The following MBD5 variants were observed in gnomAD, a reference collection of about 807,000 sequenced individuals.
MBD5 encodes methyl-CpG binding domain protein 5, also known as methyl-CpG-binding domain protein 5.
In MBD5, 13 loss-of-function variants were observed where a neutral mutation model predicts 117.3. That is an observed-to-expected ratio of 0.11 (90% CI 0.07 to 0.18). The LOEUF (loss-of-function observed/expected upper bound fraction) is 0.18. Among genes scored for constraint, MBD5 ranks in the 10% least tolerant of loss-of-function variants. The pLI is 1.00. For synonymous variants in MBD5, 727 were observed against 766.4 expected (o/e 0.95, Z 0.85); for missense variants, 1,879 against 2,093.8 (o/e 0.90, Z 2.00).
intron 3 of MBD5, among the ~76,000 whole-genome samples, chr2:148,303,557 AC>A (rs1701822040): frequency 6.6e-6 from 1 of 152,238 alleles, no homozygotes; most frequent in South Asian, 2.1e-4. Flanking sequence ...ATTTTAACTG[AC>A]AAAAAAAGAA....
intron 1 of MBD5, among the ~76,000 whole-genome samples, chr2:148,056,978 A>C (rs1358877276): frequency 6.6e-6 from 1 of 151,846 alleles, no homozygotes; most frequent in Non-Finnish European, 1.5e-5. Flanking sequence ...GAATTCATCT[A>C]AGTCATCTGT....
At chr2:148,397,944 GT>G (rs1704784950) in intron 4 of MBD5, among the ~76,000 whole-genome samples, 1 of 152,008 alleles carries the variant, frequency 6.6e-6, no homozygotes, top group South Asian at 2.1e-4. Context: ...GAGAATGATG[GT>G]TTCCAGCTTC....
chr2:148,224,836 A>G (rs1421969018), intron 2 of MBD5, among the ~76,000 whole-genome samples: 7 of 151,792 alleles, frequency 4.6e-5, no homozygotes, highest in Non-Finnish European at 1.0e-4. Flanking sequence ...TCTCTCTTAT[A>G]GTTTTTGACT....
At chr2:148,343,909 C>G (rs960329136) in intron 4 of MBD5, among the ~76,000 whole-genome samples, 1 of 152,068 alleles carries the variant, frequency 6.6e-6, no homozygotes, top group Non-Finnish European at 1.5e-5. Flanking sequence ...ACGGTGTTTA[C>G]TGGGTTTTCT....
Position 148,469,443 on chromosome 2 carries a change from A to G in MBD5, c.1500A>G (p.Pro500=). 1 of 1,613,918 alleles carries G rather than the reference A, an allele frequency of 6.2e-7. No individual in the cohort carries two copies. The highest frequency in any genetic ancestry group is 1.1e-5 in the South Asian group (1 of 91,080). The change falls in exon 8 of 14, where the codon CCA becomes CCG. Residue 500 remains proline, a synonymous_variant. Coordinates refer to ENST00000642680, the MANE Select transcript of MBD5 (RefSeq NM_001378120.1). ...PRSPRSTIGS[P]RPSMPSSPST... Reference sequence around the variant, plus strand: ...CACCAAGGTCAACAATAGGGTCCCCAAGGCCATCAATGCCATCAAGCCCTT... The same window carrying G: ...CACCAAGGTCAACAATAGGGTCCCCGAGGCCATCAATGCCATCAAGCCCTT...
intron 4 of MBD5, among the ~76,000 whole-genome samples, chr2:148,442,985 A>G (rs1047551412): frequency 1.3e-5 from 2 of 151,516 alleles, no homozygotes; most frequent in African/African-American, 4.9e-5. Flanking sequence ...AAATATTTAC[A>G]AACTACCTAT....
At chr2:148,060,517 GACTTA>G (rs2105821836) in intron 1 of MBD5, among the ~76,000 whole-genome samples, 1 of 152,152 alleles carries the variant, frequency 6.6e-6, no homozygotes, top group Non-Finnish European at 1.5e-5. Flanking sequence ...ATTATTTCAG[GACTTA>G]ACTGAGGCAT....
chr2:148,172,404 C>T (rs1698284511), intron 1 of MBD5, among the ~76,000 whole-genome samples: 1 of 152,212 alleles, frequency 6.6e-6, no homozygotes, highest in Non-Finnish European at 1.5e-5. Flanking sequence ...ATGCTCGGGG[C>T]TGTGCAGACA....
At chr2:148,226,873 G>A (rs1456531447) in intron 2 of MBD5, among the ~76,000 whole-genome samples, 1 of 152,192 alleles carries the variant, frequency 6.6e-6, no homozygotes, top group South Asian at 2.1e-4. Context: ...GTGATGGTGA[G>A]CATTTTTTCA....
In MBD5 at chr2:148,342,225, A is replaced by C. The variant is rs1249685116; in HGVS notation, c.-668A>C. On this transcript the variant is annotated 5_prime_UTR_variant, in exon 4 of 14. Coordinates refer to ENST00000642680, the MANE Select transcript of MBD5 (RefSeq NM_001378120.1). Reference sequence around the variant, plus strand: ...TATTTCTGTTCCAGAGAGAAGAGGTACTCCCTTATAGGGACTCGTAAAGAC... The same window carrying C: ...TATTTCTGTTCCAGAGAGAAGAGGTCCTCCCTTATAGGGACTCGTAAAGAC... 1 of 151,956 alleles carries C rather than the reference A, an allele frequency of 6.6e-6. No homozygotes were observed. Among genetic ancestry groups the C allele is most frequent in the African/African-American group, 2.4e-5 (1 of 41,384 alleles). 9.4% of individuals were successfully genotyped at this position (151,956 alleles called of 1,614,324 possible).
chr2:148,288,712 A>C (rs889684419), intron 3 of MBD5, among the ~76,000 whole-genome samples: 1 of 152,126 alleles, frequency 6.6e-6, no homozygotes, highest in Non-Finnish European at 1.5e-5. Context: ...GTAATCTATC[A>C]CAGGATACTT....
intron 2 of MBD5, among the ~76,000 whole-genome samples, chr2:148,211,185 C>CT (rs1310539385): frequency 6.6e-6 from 1 of 152,074 alleles, no homozygotes; most frequent in Non-Finnish European, 1.5e-5. Context: ...TTCTTTGTTT[C>CT]TTTTTTTCTC....
At chr2:148,446,773 A>G (rs1393015113) in intron 4 of MBD5, among the ~76,000 whole-genome samples, 1 of 152,030 alleles carries the variant, frequency 6.6e-6, no homozygotes, top group Non-Finnish European at 1.5e-5. Flanking sequence ...TTCAAGGATT[A>G]TTTTACCCAG....
chr2:148,033,459 A>G (rs1172921157), intron 1 of MBD5, among the ~76,000 whole-genome samples: 1 of 152,170 alleles, frequency 6.6e-6, no homozygotes, highest in Non-Finnish European at 1.5e-5. Context: ...CTTATTGTCA[A>G]TAAATTATCT....
intron 4 of MBD5, among the ~76,000 whole-genome samples, chr2:148,414,199 G>T (rs536775699): frequency 4.1e-4 from 62 of 152,106 alleles, no homozygotes; most frequent in African/African-American, 1.5e-3. Flanking sequence ...AGAGTTTCTG[G>T]ATTTTGGCCT....
chr2:148,490,680 T>C, intron 11 of MBD5, 86 bp downstream of exon 11: 1 of 1,541,968 alleles, frequency 6.5e-7, no homozygotes, highest in Non-Finnish European at 8.9e-7. Flanking sequence ...TTGGATTCTT[T>C]GGATTTGAAA....
At chr2:148,286,624 A>G (rs796201495) in intron 3 of MBD5, among the ~76,000 whole-genome samples, 16 of 152,312 alleles carry the variant, frequency 1.1e-4, no homozygotes, top group African/African-American at 3.6e-4. Flanking sequence ...GAGCATAATT[A>G]ATTAAGGTTT....
intron 1 of MBD5, among the ~76,000 whole-genome samples, chr2:148,157,851 G>T (rs930153304): frequency 6.6e-5 from 10 of 152,048 alleles, no homozygotes; most frequent in Non-Finnish European, 1.3e-4. Flanking sequence ...TATTCCAGAG[G>T]ACAGTTTAAC....
intron 4 of MBD5, among the ~76,000 whole-genome samples, chr2:148,370,484 T>TTTATTTATTTATTTATTATTTAC (rs1703819853): frequency 6.6e-6 from 1 of 152,068 alleles, no homozygotes; most frequent in African/African-American, 2.4e-5. Flanking sequence ...AGCCTATTTA[T>TTTATTTATTTATTTATTATTTAC]TTATTTATTT....
Sources: gnomAD v4.1 joint callset for allele counts (sites outside exome capture counted in the v4.1 genomes callset) on GRCh38, gnomAD v4.1.1 for gene constraint, MANE v1.5 for transcripts, NCBI Gene and HGNC (gene_info 2026-07-23, HGNC 2026-07-21) for gene names.